Variants in SLIT3 observed in about 807,000 individuals in gnomAD.
SLIT3 encodes the protein slit guidance ligand 3, also known as slit homolog 3 protein.
Under a neutral mutation model 184.0 loss-of-function variants are expected in SLIT3, and 68 were observed. The observed-to-expected ratio is 0.37, with a 90% CI of 0.30 to 0.45. The LOEUF is 0.45. SLIT3 is among the 20% of genes least tolerant of loss of function. The pLI is 1.00. For synonymous variants in SLIT3, 831 were observed against 828.6 expected (o/e 1.00, Z -0.05); for missense variants, 1,707 against 2,026.0 (o/e 0.84, Z 3.02).
At chr5:168,685,106 C>T (rs1005333009) in intron 31 of SLIT3, among the ~76,000 whole-genome samples, 4 of 152,136 alleles carry the variant, frequency 2.6e-5, no homozygotes, top group East Asian at 1.9e-4. Context: ...TGCACCACCA[C>T]GCCCTGCTAA....
chr5:168,963,669 G>A (rs1456447889), intron 4 of SLIT3, among the ~76,000 whole-genome samples: 1 of 152,190 alleles, frequency 6.6e-6, no homozygotes, highest in Admixed American at 6.5e-5. Flanking sequence ...AGTGTGTTAG[G>A]TACCTGATTC....
intron 33 of SLIT3, among the ~76,000 whole-genome samples, chr5:168,671,937 A>C (rs1761263335): frequency 6.6e-6 from 1 of 152,020 alleles, no homozygotes; most frequent in South Asian, 2.1e-4. Context: ...GAGATAAGAT[A>C]AGGTTTTGGG....
At position 169,123,090 on chromosome 5, in the gene SLIT3, G is replaced by T. The variant is rs1011080585; in HGVS notation, c.413+70389C>A. 6.6e-5 allele frequency among the ~76,000 whole-genome samples: 10 copies of T among 151,998 alleles called. No homozygotes were observed. The South Asian group carries it at 1.5e-3, about 22-fold the overall frequency. On this transcript the variant is annotated intron_variant, in intron 4 of 35. Coordinates refer to ENST00000519560, the MANE Select transcript of SLIT3 (RefSeq NM_003062.4). ...AAAACGTTTACTATGAAAAAACCAT[G>T]CATGGATTAAAAAAAAAACTGCACC...
intron 5 of SLIT3, among the ~76,000 whole-genome samples, chr5:168,876,008 G>A (rs2974434): frequency 0.68 from 104,075 of 151,940 alleles, 36,902 homozygotes; most frequent in African/African-American, 0.87. Context: ...GCCTTGCCTC[G>A]GATGAGCAGA....
intron 5 of SLIT3, among the ~76,000 whole-genome samples, chr5:168,874,449 C>A (rs1759657203): frequency 6.6e-6 from 1 of 152,216 alleles, no homozygotes; most frequent in Non-Finnish European, 1.5e-5. Context: ...AGGCATAGGA[C>A]TAACTCTTAA....
chr5:168,747,917 C>A (rs1460496961), intron 20 of SLIT3, among the ~76,000 whole-genome samples: 1 of 152,114 alleles, frequency 6.6e-6, no homozygotes, highest in East Asian at 1.9e-4. Context: ...TCACAATTAT[C>A]CTGCACTGCT....
At chr5:168,677,753 A>G (rs1761458353) in intron 32 of SLIT3, among the ~76,000 whole-genome samples, 1 of 152,186 alleles carries the variant, frequency 6.6e-6, no homozygotes, top group Non-Finnish European at 1.5e-5. Flanking sequence ...CTGGCCCTAC[A>G]CTGGTTTTAA....
At chr5:169,072,283 CTTGAGAT>C (rs541825789) in intron 4 of SLIT3, among the ~76,000 whole-genome samples, 40 of 152,244 alleles carry the variant, frequency 2.6e-4, no homozygotes, top group Middle Eastern at 3.4e-3. Flanking sequence ...AGACAGGAGA[CTTGAGAT>C]TTATCTTCAA....
chr5:168,769,376 C>G (rs1755462808), intron 14 of SLIT3, among the ~76,000 whole-genome samples: 1 of 152,202 alleles, frequency 6.6e-6, no homozygotes, highest in African/African-American at 2.4e-5. Flanking sequence ...TGCCTGACCT[C>G]TGACATGAGA....
At chr5:169,065,108 T>C (rs988686841) in intron 4 of SLIT3, among the ~76,000 whole-genome samples, 3 of 152,210 alleles carry the variant, frequency 2.0e-5, no homozygotes, top group Non-Finnish European at 4.4e-5. Context: ...TATGTCATAT[T>C]AGTGGAAAGG....
At chr5:169,265,882 C>G (rs1003006991) in intron 1 of SLIT3, among the ~76,000 whole-genome samples, 5 of 152,162 alleles carry the variant, frequency 3.3e-5, no homozygotes, top group African/African-American at 1.2e-4. Flanking sequence ...CTGGTCAAAT[C>G]CACAGCTCCA....
At chr5:168,748,544 G>A (rs1254914527) in intron 19 of SLIT3, 110 bp from the exon 20 acceptor site, 6 of 1,118,740 alleles carry the variant, frequency 5.4e-6, no homozygotes, top group African/African-American at 1.6e-5. Flanking sequence ...CCCTGTCCCC[G>A]CTGTGTTCTA....
intron 8 of SLIT3, 151 bp downstream of exon 8, chr5:168,817,149 A>C: frequency 1.6e-6 from 1 of 621,282 alleles, no homozygotes; most frequent in Non-Finnish European, 2.8e-6. Context: ...CAGTTCTTTA[A>C]GTGACTACTG....
intron 5 of SLIT3, among the ~76,000 whole-genome samples, chr5:168,876,056 T>G (rs1309273566): frequency 6.6e-6 from 1 of 152,114 alleles, no homozygotes; most frequent in Non-Finnish European, 1.5e-5. Context: ...GCACCCCATT[T>G]GAGACGAGAG....
At chr5:169,079,993 A>G (rs1388110741) in intron 4 of SLIT3, among the ~76,000 whole-genome samples, 1 of 152,008 alleles carries the variant, frequency 6.6e-6, no homozygotes, top group Non-Finnish European at 1.5e-5. Context: ...ACTTGTTAAA[A>G]TTGGTAAGAA....
rs1270509225 is a variant in SLIT3 at position 168,685,553 on chromosome 5, C to T, written c.3555+134G>A. 8 of 1,197,214 alleles carry T rather than the reference C, an allele frequency of 6.7e-6. No homozygotes were observed. In the Admixed American group the frequency reaches 2.0e-4, roughly 30 times the overall value. 74.2% of individuals were successfully genotyped at this position (1,197,214 alleles called of 1,614,324 possible). On this transcript the variant is annotated intron_variant, in intron 31 of 35. Coordinates refer to ENST00000519560, the MANE Select transcript of SLIT3 (RefSeq NM_003062.4). ...ATAGAACTCTCTGGATGAGTTGGTC[C>T]AGATGTCCTCAAGCTGAGTGTTGTC... is the stretch of plus-strand genomic sequence containing the variant.
intron 4 of SLIT3, among the ~76,000 whole-genome samples, chr5:169,131,177 T>A (rs1333681394): frequency 3.3e-5 from 5 of 152,218 alleles, no homozygotes. Context: ...TACTTAGCTG[T>A]TAACGAACAC....
At chr5:168,762,725 C>A in intron 14 of SLIT3, 36 bp from the exon 15 acceptor site, 2 of 1,603,848 alleles carry the variant, frequency 1.2e-6, no homozygotes, top group Non-Finnish European at 1.7e-6. Context: ...CAGCGTCACC[C>A]GAGTTCCACG....
chr5:169,000,926 A>C (rs528335356), intron 4 of SLIT3, among the ~76,000 whole-genome samples: 4 of 152,180 alleles, frequency 2.6e-5, no homozygotes, highest in Non-Finnish European at 5.9e-5. Context: ...CCAAGCGGTT[A>C]TTTGAGTTGC....
Sources: gnomAD v4.1 joint callset for allele counts (sites outside exome capture counted in the v4.1 genomes callset) on GRCh38, gnomAD v4.1.1 for gene constraint, MANE v1.5 for transcripts, NCBI Gene and HGNC (gene_info 2026-07-23, HGNC 2026-07-21) for gene names.